Variants in TCTN1 observed in about 807,000 individuals in gnomAD.
The protein encoded by TCTN1 is tectonic-1.
TCTN1 carries 58 observed loss-of-function variants against 65.8 expected under a neutral mutation model. The observed-to-expected ratio is 0.88, with a 90% CI of 0.71 to 1.10. The LOEUF is 1.10. TCTN1 is among the 50% of genes least tolerant of loss of function. TCTN1 has a pLI of 0.00. For missense variants in TCTN1, 645 were observed against 719.4 expected (o/e 0.90, Z 1.18); for synonymous variants, 273 against 289.1 (o/e 0.94, Z 0.57).
intron 2 of TCTN1, among the ~76,000 whole-genome samples, chr12:110,623,281 T>C (rs1257462381): frequency 6.6e-6 from 1 of 152,228 alleles, no homozygotes; most frequent in African/African-American, 2.4e-5. Flanking sequence ...CCATGAGTCG[T>C]TACCCAGCCT....
At chr12:110,615,391 G>A (rs2135844938) in intron 1 of TCTN1, among the ~76,000 whole-genome samples, 1 of 152,296 alleles carries the variant, frequency 6.6e-6, no homozygotes, top group South Asian at 2.1e-4. Context: ...TCTTAAAGTG[G>A]TTCATGATCT....
chr12:110,628,075 C>G (rs114557662), intron 3 of TCTN1: 1 of 1,535,962 alleles, frequency 6.5e-7, no homozygotes. Context: ...AGGACTTTCA[C>G]GGTGGCTGTG....
intron 2 of TCTN1, among the ~76,000 whole-genome samples, chr12:110,621,177 A>G (rs1328350670): frequency 1.3e-5 from 2 of 152,216 alleles, no homozygotes; most frequent in African/African-American, 4.8e-5. Flanking sequence ...CTTAGTATTC[A>G]GAGATAGCTA....
intron 14 of TCTN1, among the ~76,000 whole-genome samples, 181 bp downstream of exon 14, chr12:110,648,074 C>T (rs1386163762): frequency 6.6e-6 from 1 of 152,118 alleles, no homozygotes; most frequent in African/African-American, 2.4e-5. Flanking sequence ...TGGGCTCAAG[C>T]AATCCACCCA....
At chr12:110,642,198 A>G in intron 10 of TCTN1, 51 bp from the exon 11 acceptor site, 2 of 1,612,992 alleles carry the variant, frequency 1.2e-6, no homozygotes, top group Admixed American at 3.3e-5. Context: ...TTCTTACCTG[A>G]GAACCAGGCT....
chr12:110,636,034 A>G (rs113879568), intron 6 of TCTN1: 11 of 190,050 alleles, frequency 5.8e-5, no homozygotes, highest in African/African-American at 2.6e-4. Context: ...AGAGCTTGTC[A>G]TTGAGGAGGC....
chr12:110,642,821 A>C (rs2067048139), intron 11 of TCTN1, among the ~76,000 whole-genome samples: 1 of 151,866 alleles, frequency 6.6e-6, no homozygotes, highest in African/African-American at 2.4e-5. Context: ...CAGTGGTATA[A>C]TCTCAACTCA....
At position 110,626,505 on chromosome 12, in the gene TCTN1, CATT is replaced by C. The variant is rs773296653; in HGVS notation, c.472+14_472+16del. 6.2e-7 allele frequency: 1 copy of C among 1,609,718 alleles called. No homozygotes were observed. On this transcript the variant is annotated intron_variant, in intron 3 of 14. Transcript: ENST00000397659. Reference sequence around the variant, plus strand: ...CATATTACAAACTGTAAGTATTTGACATTGATATATTTTGTGAAGCTCTGGAAA... The same window carrying C: ...CATATTACAAACTGTAAGTATTTGACGATATATTTTGTGAAGCTCTGGAAA...
chr12:110,647,563 C>A, intron 13 of TCTN1, 186 bp from the exon 14 acceptor site: 1 of 1,025,942 alleles, frequency 9.7e-7, no homozygotes, highest in Non-Finnish European at 1.4e-6. Context: ...ATGATATTCA[C>A]GTGTTAATCA....
chr12:110,618,575 A>C (rs919398719), intron 1 of TCTN1, among the ~76,000 whole-genome samples: 20 of 152,026 alleles, frequency 1.3e-4, no homozygotes, highest in Non-Finnish European at 2.5e-4. Context: ...GGGTTTAACC[A>C]TGTTGGCCAG....
chr12:110,636,663 T>C (rs1221380072), intron 7 of TCTN1, among the ~76,000 whole-genome samples, 162 bp downstream of exon 7: 1 of 152,268 alleles, frequency 6.6e-6, no homozygotes, highest in African/African-American at 2.4e-5. Flanking sequence ...ATAGGGAAAC[T>C]CCTTAGTGGG....
chr12:110,634,180 A>G (rs2066408995), intron 5 of TCTN1, among the ~76,000 whole-genome samples: 1 of 152,142 alleles, frequency 6.6e-6, no homozygotes, highest in Non-Finnish European at 1.5e-5. Context: ...AAATATATGT[A>G]TGTTTTTTAC....
chr12:110,627,264 A>C (rs1316000496), intron 3 of TCTN1, among the ~76,000 whole-genome samples: 1 of 150,584 alleles, frequency 6.6e-6, no homozygotes, highest in African/African-American at 2.4e-5. Flanking sequence ...CACCCAGCTA[A>C]TTTTTTATTT....
chr12:110,642,616 T>G (rs1196037703), intron 11 of TCTN1, among the ~76,000 whole-genome samples: 1 of 152,188 alleles, frequency 6.6e-6, no homozygotes, highest in Non-Finnish European at 1.5e-5. Flanking sequence ...TTTCTTTTTT[T>G]AAGAGATGGG....
chr12:110,642,387 A>G lies in TCTN1; in HGVS notation c.1329A>G (p.Leu443=). 5 of 1,614,208 alleles carry G rather than the reference A, an allele frequency of 3.1e-6. No individual in the cohort carries two copies. The highest frequency in any genetic ancestry group is 4.2e-6 in the Non-Finnish European group (5 of 1,180,030). The change falls in exon 11 of 15, where the codon CTA becomes CTG. Residue 443 remains leucine, a splice_region_variant and synonymous_variant. Coordinates refer to ENST00000397659, the MANE Select transcript of TCTN1 (RefSeq NM_001082538.3). ...FGYTMQSGCK[L]RLTGALPCQL... ...ACACTATGCAATCTGGCTGTAAACTAAGGTAAAAGAGTCACTTGTTTCTGT... is the reference window on the plus strand; with the variant it reads ...ACACTATGCAATCTGGCTGTAAACTGAGGTAAAAGAGTCACTTGTTTCTGT...
intron 14 of TCTN1, chr12:110,648,796 G>GTTTAT (rs1283930851): frequency 1.3e-5 from 4 of 309,186 alleles, no homozygotes; most frequent in African/African-American, 9.3e-5. Flanking sequence ...AAAAGAGAGA[G>GTTTAT]TTTATTTTAT....
In TCTN1 at chr12:110,634,653, A is replaced by G. The variant is rs1312608356; in HGVS notation, c.713-17A>G. On this transcript the variant is annotated splice_polypyrimidine_tract_variant and intron_variant, in intron 5 of 14. Coordinates refer to ENST00000397659, the MANE Select transcript of TCTN1 (RefSeq NM_001082538.3). Reference sequence around the variant, plus strand: ...CTTTTGTATTTTTTTTTCCTTGGGAATGTTAATGATTTCTAGCGTTTCTGG... The same window carrying G: ...CTTTTGTATTTTTTTTTCCTTGGGAGTGTTAATGATTTCTAGCGTTTCTGG... The G allele has an allele frequency of 6.3e-7, 1 of 1,578,292 alleles. No individual in the cohort carries two copies. The highest frequency in any genetic ancestry group is 2.2e-5 in the East Asian group (1 of 44,652).
At chr12:110,630,015 T>C (rs1407864221) in intron 4 of TCTN1, 1 of 151,550 alleles carries the variant, frequency 6.6e-6, no homozygotes, top group East Asian at 1.9e-4. Context: ...TAAGTGGGAG[T>C]TGAACAATGA....
At chr12:110,626,582 T>C (rs1042152677) in intron 3 of TCTN1, 90 bp downstream of exon 3, 4 of 1,380,138 alleles carry the variant, frequency 2.9e-6, no homozygotes, top group African/African-American at 1.4e-5. Flanking sequence ...TTTATAATTA[T>C]GATTATGGTT....
Sources: gnomAD v4.1 joint callset for allele counts (sites outside exome capture counted in the v4.1 genomes callset) on GRCh38, gnomAD v4.1.1 for gene constraint, MANE v1.5 for transcripts, NCBI Gene and HGNC (gene_info 2026-07-23, HGNC 2026-07-21) for gene names.